IMMP2L: variants seen among roughly 807,000 people sequenced by gnomAD.
IMMP2L encodes mitochondrial inner membrane protease subunit 2.
Under a neutral mutation model 19.3 loss-of-function variants are expected in IMMP2L, and 18 were observed. The observed-to-expected ratio is 0.93, with a 90% CI of 0.64 to 1.38. The LOEUF is 1.38. Ranked by LOEUF, IMMP2L falls within the 40% of genes most tolerant of loss-of-function variation. The probability of loss-of-function intolerance (pLI) is 0.00; values close to 1 mark genes in which losing one functional copy is unlikely to be tolerated. For synonymous variants in IMMP2L, 76 were observed against 73.0 expected, an observed-to-expected ratio of 1.04 and a Z score of -0.21; for missense variants, 233 against 218.2, an observed-to-expected ratio of 1.07 and a Z score of -0.43.
chr7:111,420,604 T>C (rs931972039), intron 3 of IMMP2L, among the ~76,000 whole-genome samples: 2 of 121,628 alleles, frequency 1.6e-5, no homozygotes, highest in African/African-American at 6.4e-5. Context: ...CCCCGCCCTG[T>C]GTCCAGGCGA....
At chr7:111,103,161 G>C (rs1011577485) in intron 3 of IMMP2L, among the ~76,000 whole-genome samples, 4 of 151,504 alleles carry the variant, frequency 2.6e-5, no homozygotes, top group Non-Finnish European at 4.4e-5. Flanking sequence ...CCTGCAAAAT[G>C]TAACTATATC....
At chr7:110,972,512 AGAG>A (rs1820250780) in intron 3 of IMMP2L, among the ~76,000 whole-genome samples, 2 of 152,000 alleles carry the variant, frequency 1.3e-5, no homozygotes, top group African/African-American at 4.8e-5. Context: ...GGAAAGAGCT[AGAG>A]AAGAGGTTAA....
chr7:111,262,854 T>C (rs1817460092), intron 3 of IMMP2L, among the ~76,000 whole-genome samples: 1 of 152,150 alleles, frequency 6.6e-6, no homozygotes, highest in South Asian at 2.1e-4. Flanking sequence ...TGGACCTCTC[T>C]CTCATTTGTC....
intron 4 of IMMP2L, among the ~76,000 whole-genome samples, chr7:110,960,026 A>G (rs1483170508): frequency 1.3e-5 from 2 of 151,974 alleles, no homozygotes; most frequent in African/African-American, 4.8e-5. Flanking sequence ...TTGACTGTTC[A>G]GCTAGTGACC....
intron 1 of IMMP2L, among the ~76,000 whole-genome samples, chr7:111,548,796 C>G (rs759493924): frequency 6.6e-6 from 1 of 152,256 alleles, no homozygotes; most frequent in Admixed American, 6.5e-5. Flanking sequence ...ATTCTCTTCC[C>G]AAGAATCTTT....
intron 3 of IMMP2L, among the ~76,000 whole-genome samples, chr7:111,233,366 T>G (rs191161790): frequency 6.6e-6 from 1 of 152,250 alleles, no homozygotes; most frequent in East Asian, 1.9e-4. Flanking sequence ...CTCAAATTGC[T>G]TTTTGTAATA....
At chr7:110,999,243 G>A (rs1563146823) in intron 3 of IMMP2L, among the ~76,000 whole-genome samples, 1 of 150,936 alleles carries the variant, frequency 6.6e-6, no homozygotes, top group African/African-American at 2.4e-5. Flanking sequence ...ACCATAAAAT[G>A]ACAAATATCC....
chr7:111,497,580 T>C (rs1050808330), intron 2 of IMMP2L, among the ~76,000 whole-genome samples: 5 of 152,036 alleles, frequency 3.3e-5, no homozygotes, highest in African/African-American at 1.2e-4. Context: ...ATGATCCAAT[T>C]TCAGGAAAGA....
chr7:111,421,064 A>C (rs1318099774), intron 3 of IMMP2L, among the ~76,000 whole-genome samples: 1 of 151,736 alleles, frequency 6.6e-6, no homozygotes, highest in Admixed American at 6.6e-5. Context: ...CCTCTCCAGC[A>C]TCTGTTGTTC....
At chr7:110,792,547 A>T (rs939244145) in intron 5 of IMMP2L, among the ~76,000 whole-genome samples, 1 of 151,880 alleles carries the variant, frequency 6.6e-6, no homozygotes, top group Non-Finnish European at 1.5e-5. Context: ...GTAGAATTGG[A>T]CAGAAAACAC....
chr7:111,007,850 C>T (rs932884381), intron 3 of IMMP2L, among the ~76,000 whole-genome samples: 6 of 151,958 alleles, frequency 3.9e-5, no homozygotes, highest in African/African-American at 1.4e-4. Context: ...AAACAACATC[C>T]CAAACCAAAA....
At chr7:110,984,955 C>T (rs1017503627) in intron 3 of IMMP2L, among the ~76,000 whole-genome samples, 2 of 151,688 alleles carry the variant, frequency 1.3e-5, no homozygotes, top group Non-Finnish European at 2.9e-5. Flanking sequence ...TTCAGGTGGG[C>T]TCAATGTAAT....
At chr7:111,076,467 G>T (rs1795424458) in intron 3 of IMMP2L, among the ~76,000 whole-genome samples, 1 of 152,118 alleles carries the variant, frequency 6.6e-6, no homozygotes, top group Non-Finnish European at 1.5e-5. Flanking sequence ...TTTGCTGAGA[G>T]CCTGATAGTT....
At chr7:111,453,437 C>G (rs1315258594) in intron 3 of IMMP2L, among the ~76,000 whole-genome samples, 2 of 152,110 alleles carry the variant, frequency 1.3e-5, no homozygotes, top group African/African-American at 4.8e-5. Context: ...CCGTTAGAAA[C>G]AGATTGAGAG....
chr7:110,874,770 G>A (rs562428937), intron 5 of IMMP2L, among the ~76,000 whole-genome samples: 172 of 152,162 alleles, frequency 1.1e-3, no homozygotes, highest in Non-Finnish European at 2.0e-3. Context: ...ATAACAGAAT[G>A]CCACAGATTG....
In IMMP2L at chr7:111,484,759, T is replaced by C. The variant is rs138042860; in HGVS notation, c.239+2479A>G. ...TAAATTGTATGAAAATACATGGATA[T>C]GGTCTAGAAAGCATGTTTCATCATA... On this transcript the variant is annotated intron_variant, in intron 3 of 5. Transcript: ENST00000405709. 5.8e-3 allele frequency among the ~76,000 whole-genome samples: 889 copies of C among 152,282 alleles called. 13 individuals carry two copies. Among genetic ancestry groups the C allele is most frequent in the African/African-American group, 0.02 (822 of 41,548 alleles).
At chr7:111,479,307 C>A (rs909437206) in intron 3 of IMMP2L, among the ~76,000 whole-genome samples, 2 of 151,906 alleles carry the variant, frequency 1.3e-5, no homozygotes, top group Admixed American at 1.3e-4. Flanking sequence ...TGGTAGTGCT[C>A]CAATGCCTTT....
At chr7:110,868,112 G>T (rs1399857016) in intron 5 of IMMP2L, among the ~76,000 whole-genome samples, 3 of 79,812 alleles carry the variant, frequency 3.8e-5, no homozygotes, top group Admixed American at 1.3e-4. Context: ...AGGTTCTTGT[G>T]AGGTTTGTGT....
intron 5 of IMMP2L, among the ~76,000 whole-genome samples, chr7:110,844,196 TGAG>T (rs989112904): frequency 5.6e-4 from 85 of 152,180 alleles, no homozygotes; most frequent in Admixed American, 3.3e-4. Context: ...CCAGTTCCAC[TGAG>T]GAGAAGAGAA....
Sources: allele counts gnomAD v4.1 joint callset (sites outside exome capture counted in the v4.1 genomes callset), GRCh38; gene constraint gnomAD v4.1.1; transcripts MANE v1.5; gene names NCBI Gene and HGNC (gene_info 2026-07-23, HGNC 2026-07-21).